Variants in HS6ST2 observed in about 807,000 individuals in gnomAD.
HS6ST2 encodes heparan-sulfate 6-O-sulfotransferase 2.
In HS6ST2, 17 loss-of-function variants were observed where a neutral mutation model predicts 33.0. The ratio of observed to expected loss-of-function variants is 0.52; its 90% CI spans 0.35 to 0.77. The LOEUF (loss-of-function observed/expected upper bound fraction) is 0.77. Among genes scored for constraint, HS6ST2 ranks in the 30% least tolerant of loss-of-function variants. HS6ST2 has a pLI of 0.01. For missense variants in HS6ST2, 519 were observed against 551.7 expected (o/e 0.94, Z 0.59); for synonymous variants, 248 against 237.1 (o/e 1.05, Z -0.42).
At chrX:132,786,203 A>G (rs1378919242) in intron 2 of HS6ST2, among the ~76,000 whole-genome samples, 1 of 112,011 alleles carries the variant, frequency 8.9e-6, no homozygotes, top group African/African-American at 3.2e-5. Context: ...TAAAATGAAA[A>G]TTGGACTCAA....
intron 2 of HS6ST2, among the ~76,000 whole-genome samples, chrX:132,817,751 C>A (rs2065408886): frequency 8.9e-6 from 1 of 111,930 alleles, no homozygotes; most frequent in Admixed American, 9.5e-5. Context: ...AGGAGCTAGA[C>A]TGCTTGGCCT....
chrX:132,808,181 A>G (rs997357311), intron 2 of HS6ST2, among the ~76,000 whole-genome samples: 1 of 111,564 alleles, frequency 9.0e-6, no homozygotes, highest in Admixed American at 9.5e-5. Flanking sequence ...CAAGAGAGAT[A>G]TACAAAAAGG....
chrX:132,872,833 TA>T (rs774535501), intron 2 of HS6ST2, among the ~76,000 whole-genome samples: 2 of 111,165 alleles, frequency 1.8e-5, no homozygotes, highest in Admixed American at 9.6e-5. Flanking sequence ...CTTTTAACAA[TA>T]AAAAAAGGTA....
At chrX:132,912,771 C>G (rs2066547342) in intron 2 of HS6ST2, among the ~76,000 whole-genome samples, 1 of 111,816 alleles carries the variant, frequency 8.9e-6, no homozygotes, top group African/African-American at 3.3e-5. Context: ...AGGGGCAAGT[C>G]CCTGATAAAA....
intron 2 of HS6ST2, among the ~76,000 whole-genome samples, chrX:132,783,137 C>T (rs1007883205): frequency 1.8e-5 from 2 of 111,512 alleles, no homozygotes; most frequent in African/African-American, 6.5e-5. Context: ...GTGACCTGGG[C>T]CTCAGTTTCT....
intron 3 of HS6ST2, among the ~76,000 whole-genome samples, chrX:132,696,125 G>A (rs2064103092): frequency 8.9e-6 from 1 of 111,896 alleles, no homozygotes; most frequent in Non-Finnish European, 1.9e-5. Context: ...TTTCACCATG[G>A]CAGTATCAAA....
chrX:132,636,735 C>T (rs1455586298), intron 4 of HS6ST2, among the ~76,000 whole-genome samples: 1 of 111,616 alleles, frequency 9.0e-6, no homozygotes, highest in Non-Finnish European at 1.9e-5. Context: ...AGCAGACCCT[C>T]TTTGTGTCTG....
In HS6ST2 at chrX:132,871,854, A is replaced by G. The variant is rs2094359240; in HGVS notation, c.947+84954T>C. Reference sequence around the variant, plus strand: ...AGATGACGGGTTGATAAGTGCAGCAAACCACCATGGCATGTGTATACATAT... The same window carrying G: ...AGATGACGGGTTGATAAGTGCAGCAGACCACCATGGCATGTGTATACATAT... On this transcript the variant is annotated intron_variant, in intron 2 of 4. Coordinates refer to ENST00000370833, the MANE Select transcript of HS6ST2 (RefSeq NM_001394073.1). Among the ~76,000 whole-genome samples, 3 of 111,217 alleles carry G rather than the reference A, an allele frequency of 2.7e-5. No individual in the cohort carries two copies. In the South Asian group the frequency reaches 1.2e-3, roughly 43 times the overall value.
At chrX:132,689,729 G>C (rs1181885331) in intron 3 of HS6ST2, among the ~76,000 whole-genome samples, 1 of 112,087 alleles carries the variant, frequency 8.9e-6, no homozygotes, top group African/African-American at 3.2e-5. Context: ...CTGGGCTCTA[G>C]AGAAAGTTAT....
chrX:132,702,848 G>T (rs1327606070), intron 3 of HS6ST2, among the ~76,000 whole-genome samples: 1 of 111,593 alleles, frequency 9.0e-6, no homozygotes, highest in Non-Finnish European at 1.9e-5. Context: ...AAGGGACCTT[G>T]TCTGTCGTAT....
At position 132,958,348 on chromosome X, in the gene HS6ST2, C is replaced by T; in HGVS notation, c.255G>A (p.Pro85=). 9 of 1,198,477 alleles carry T rather than the reference C, an allele frequency of 7.5e-6. No individual in the cohort carries two copies. Among genetic ancestry groups the T allele is most frequent in the Non-Finnish European group, 1.0e-5 (9 of 893,540 alleles). Residue 85 remains proline, a synonymous_variant, in exon 1 of 5, where the codon CCG becomes CCA. Coordinates refer to ENST00000370833, the MANE Select transcript of HS6ST2 (RefSeq NM_001394073.1). Reference sequence around the variant, plus strand: ...GGCCCCGGGACAGCAGCGCGAAAAGCGGGGCGCACGCGGCTCCCGCCAGGG... The same window carrying T: ...GGCCCCGGGACAGCAGCGCGAAAAGTGGGGCGCACGCGGCTCCCGCCAGGG... ...SSSLAGAACA[P]LFALLSRGRR...
chrX:132,869,718 C>G (rs913017451), intron 2 of HS6ST2, among the ~76,000 whole-genome samples: 14 of 111,755 alleles, frequency 1.3e-4, no homozygotes, highest in Admixed American at 9.5e-5. Flanking sequence ...ATTCAACATG[C>G]CTTCATGCTA....
intron 3 of HS6ST2, among the ~76,000 whole-genome samples, chrX:132,679,811 T>G (rs889519174): frequency 7.3e-5 from 8 of 109,090 alleles, no homozygotes; most frequent in Non-Finnish European, 1.3e-4. Context: ...CCAGGGATGT[T>G]CCTTACTGAG....
chrX:132,914,202 A>C (rs2066563101), intron 2 of HS6ST2, among the ~76,000 whole-genome samples: 1 of 112,636 alleles, frequency 8.9e-6, no homozygotes, highest in African/African-American at 3.2e-5. Context: ...AAAAAGATTA[A>C]GGTGTCATGA....
chrX:132,694,829 G>T (rs763997080), intron 3 of HS6ST2, among the ~76,000 whole-genome samples: 1 of 111,021 alleles, frequency 9.0e-6, no homozygotes, highest in Non-Finnish European at 1.9e-5. Context: ...CATGGCCTGG[G>T]GGAGAAAAAG....
chrX:132,877,274 T>C (rs1475749580), intron 2 of HS6ST2, among the ~76,000 whole-genome samples: 1 of 112,204 alleles, frequency 8.9e-6, no homozygotes, highest in Non-Finnish European at 1.9e-5. Flanking sequence ...ATAAGAAAGG[T>C]AGGCATTTAC....
intron 2 of HS6ST2, among the ~76,000 whole-genome samples, chrX:132,879,453 T>G (rs1000024263): frequency 2.7e-5 from 3 of 111,826 alleles, no homozygotes; most frequent in African/African-American, 6.5e-5. Flanking sequence ...ATACATTCTT[T>G]TGGGCCTTGT....
intron 2 of HS6ST2, among the ~76,000 whole-genome samples, chrX:132,869,980 T>C (rs1224025378): frequency 9.0e-6 from 1 of 111,289 alleles, no homozygotes; most frequent in African/African-American, 3.3e-5. Context: ...TCGAATTGTC[T>C]CTGTTTGCAG....
intron 2 of HS6ST2, among the ~76,000 whole-genome samples, chrX:132,821,406 G>T (rs781463061): frequency 2.7e-5 from 3 of 109,230 alleles, no homozygotes; most frequent in South Asian, 8.2e-4. Flanking sequence ...TAGAGACGGG[G>T]TTTCACCGTG....
Sources: allele counts gnomAD v4.1 joint callset (sites outside exome capture counted in the v4.1 genomes callset), GRCh38; gene constraint gnomAD v4.1.1; transcripts MANE v1.5; gene names NCBI Gene and HGNC (gene_info 2026-07-23, HGNC 2026-07-21).